Variants in MTUS1 observed in about 807,000 individuals in gnomAD.
MTUS1 encodes microtubule associated scaffold protein 1.
A neutral mutation model predicts 120.8 loss-of-function variants in MTUS1; 109 were observed. The observed-to-expected ratio is 0.90, with a 90% CI of 0.77 to 1.06. MTUS1 has a LOEUF of 1.06. Among genes scored for constraint, MTUS1 ranks in the 50% least tolerant of loss-of-function variants. The probability of loss-of-function intolerance (pLI) is 0.00; values close to 1 mark genes in which losing one functional copy is unlikely to be tolerated. For missense variants in MTUS1, 2,210 were observed against 1,486.3 expected (o/e 1.49, Z -8.01); for synonymous variants, 737 against 550.5 (o/e 1.34, Z -4.74).
At chr8:17,688,465 C>T (rs1348009772) in intron 6 of MTUS1, among the ~76,000 whole-genome samples, 1 of 152,200 alleles carries the variant, frequency 6.6e-6, no homozygotes, top group African/African-American at 2.4e-5. Context: ...CAACATATTG[C>T]ATTAAAAACC....
intron 1 of MTUS1, among the ~76,000 whole-genome samples, chr8:17,783,485 T>G (rs1057091538): frequency 1.3e-5 from 2 of 152,164 alleles, no homozygotes; most frequent in Non-Finnish European, 2.9e-5. Context: ...GGCCTTAGAA[T>G]CTGTCCTCAC....
chr8:17,797,785 C>A (rs1403726034), intron 1 of MTUS1, among the ~76,000 whole-genome samples: 4 of 152,208 alleles, frequency 2.6e-5, no homozygotes, highest in Non-Finnish European at 5.9e-5. Flanking sequence ...ATCGCTTACT[C>A]TTACGCTCTA....
chr8:17,656,121 A>G, intron 8 of MTUS1, 56 bp from the exon 9 acceptor site: 5 of 1,504,092 alleles, frequency 3.3e-6, no homozygotes, highest in Non-Finnish European at 4.6e-6. Flanking sequence ...GAAATGTCCT[A>G]TATTCATTAC....
intron 3 of MTUS1, among the ~76,000 whole-genome samples, chr8:17,742,977 G>A (rs542702503): frequency 5.9e-5 from 9 of 152,110 alleles, no homozygotes; most frequent in South Asian, 2.1e-4. Flanking sequence ...TTTCATCCCC[G>A]TGACACAGGG....
At position 17,723,841 on chromosome 8, in the gene MTUS1, T is replaced by G; in HGVS notation, c.2288-8A>C. 1 of 1,541,862 alleles carries G rather than the reference T, an allele frequency of 6.5e-7. No homozygotes were observed. The highest frequency in any genetic ancestry group is 8.7e-7 in the Non-Finnish European group (1 of 1,145,924). ...TCAAGGATGTAGGCTTTCCTTGGGGTTTAAAAAAAACAAAAAGTTTCCAGT... is the reference window on the plus strand; with the variant it reads ...TCAAGGATGTAGGCTTTCCTTGGGGGTTAAAAAAAACAAAAAGTTTCCAGT... On this transcript the variant is annotated splice_region_variant and splice_polypyrimidine_tract_variant and intron_variant, in intron 3 of 14. Coordinates refer to ENST00000693296, the MANE Select transcript of MTUS1 (RefSeq NM_001363059.2).
At chr8:17,674,156 G>T (rs550722624) in intron 8 of MTUS1, among the ~76,000 whole-genome samples, 2 of 152,094 alleles carry the variant, frequency 1.3e-5, no homozygotes, top group Admixed American at 1.3e-4. Context: ...AGGGAGTGTC[G>T]GCTGGGTGCG....
At chr8:17,668,326 C>A (rs1045441227) in intron 8 of MTUS1, among the ~76,000 whole-genome samples, 1 of 152,124 alleles carries the variant, frequency 6.6e-6, no homozygotes, top group East Asian at 1.9e-4. Context: ...AGATTGGACA[C>A]CCCTGATTTA....
chr8:17,658,609 G>A (rs1808981347), intron 8 of MTUS1, among the ~76,000 whole-genome samples: 1 of 152,190 alleles, frequency 6.6e-6, no homozygotes, highest in Non-Finnish European at 1.5e-5. Flanking sequence ...CGACAGGGTT[G>A]CTGGCAAATC....
At chr8:17,798,389 C>T (rs922114402) in intron 1 of MTUS1, among the ~76,000 whole-genome samples, 1 of 151,690 alleles carries the variant, frequency 6.6e-6, no homozygotes, top group East Asian at 1.9e-4. Flanking sequence ...CTGGAGTGCA[C>T]TGGAGTGATC....
At chr8:17,727,439 A>C (rs1353474669) in intron 3 of MTUS1, among the ~76,000 whole-genome samples, 1 of 152,208 alleles carries the variant, frequency 6.6e-6, no homozygotes, top group South Asian at 2.1e-4. Context: ...AGGCAGACAG[A>C]GTTCAGAATG....
At chr8:17,731,132 A>G (rs760922860) in intron 3 of MTUS1, among the ~76,000 whole-genome samples, 1 of 152,242 alleles carries the variant, frequency 6.6e-6, no homozygotes, top group Non-Finnish European at 1.5e-5. Context: ...AATTCAGGAT[A>G]GGATAGGATA....
intron 1 of MTUS1, among the ~76,000 whole-genome samples, chr8:17,782,388 A>C (rs1364848112): frequency 6.6e-6 from 1 of 152,218 alleles, no homozygotes; most frequent in South Asian, 2.1e-4. Flanking sequence ...CAGAGATACT[A>C]TACACCTGAT....
rs961950943 is a variant in MTUS1, at chr8:17,643,812, C to T, written c.*2114G>A. Reference sequence around the variant, plus strand: ...CAGAGGATGCAATTCTTGAGTATTCCAGCATTATTTATTTGATCAGAGTAA... The same window carrying T: ...CAGAGGATGCAATTCTTGAGTATTCTAGCATTATTTATTTGATCAGAGTAA... On this transcript the variant is annotated 3_prime_UTR_variant, in exon 15 of 15. Transcript: ENST00000693296. The T allele has an allele frequency of 1.3e-5, 2 of 152,118 alleles. No homozygotes were observed. The highest frequency in any genetic ancestry group is 2.9e-5 in the Non-Finnish European group (2 of 68,030). The allele number at this position is 152,118 out of a possible 1,614,324, so 9.4% of individuals were successfully genotyped here.
At chr8:17,665,657 G>C (rs966502200) in intron 8 of MTUS1, among the ~76,000 whole-genome samples, 9 of 152,074 alleles carry the variant, frequency 5.9e-5, no homozygotes, top group African/African-American at 2.2e-4. Context: ...CACTATGCCC[G>C]GCCCTAGAAC....
intron 12 of MTUS1, among the ~76,000 whole-genome samples, chr8:17,652,729 G>C (rs550219705): frequency 6.6e-6 from 1 of 151,780 alleles, no homozygotes; most frequent in African/African-American, 2.4e-5. Flanking sequence ...CCAGCTACTC[G>C]GGAGGGTGAG....
chr8:17,670,525 G>C (rs771645591), intron 8 of MTUS1, among the ~76,000 whole-genome samples: 1 of 152,120 alleles, frequency 6.6e-6, no homozygotes, highest in Non-Finnish European at 1.5e-5. Flanking sequence ...CAGTGAAAAA[G>C]ATCACAGCAG....
intron 1 of MTUS1, among the ~76,000 whole-genome samples, chr8:17,788,870 T>C (rs1023094212): frequency 5.9e-5 from 9 of 152,296 alleles, no homozygotes; most frequent in African/African-American, 1.4e-4. Flanking sequence ...AGTTTCAGGA[T>C]AGTACTGGGT....
intron 1 of MTUS1, among the ~76,000 whole-genome samples, chr8:17,790,741 C>T (rs191028514): frequency 2.0e-3 from 305 of 152,312 alleles, no homozygotes; most frequent in Admixed American, 5.7e-3. Flanking sequence ...AATCCCAGCA[C>T]TTCGGGAGGC....
intron 7 of MTUS1, among the ~76,000 whole-genome samples, chr8:17,684,119 A>G (rs935672412): frequency 6.6e-6 from 1 of 152,118 alleles, no homozygotes; most frequent in East Asian, 1.9e-4. Context: ...ACTCTAGGGG[A>G]AAAAAAGGAA....
Sources: gnomAD v4.1 joint callset for allele counts (sites outside exome capture counted in the v4.1 genomes callset) on GRCh38, gnomAD v4.1.1 for gene constraint, MANE v1.5 for transcripts, NCBI Gene and HGNC (gene_info 2026-07-23, HGNC 2026-07-21) for gene names.